The following PAN3 variants were observed in gnomAD, a reference collection of about 807,000 sequenced individuals.
PAN3 encodes the protein poly(A) specific ribonuclease subunit PAN3.
Under a neutral mutation model 96.2 loss-of-function variants are expected in PAN3, and 19 were observed. That is an observed-to-expected ratio of 0.20 (90% CI 0.14 to 0.29). PAN3 has a LOEUF of 0.29. Ranked by LOEUF, PAN3 falls within the 10% of genes least tolerant of loss-of-function variation. The probability of loss-of-function intolerance (pLI) is 1.00; values close to 1 mark genes in which losing one functional copy is unlikely to be tolerated. For synonymous variants in PAN3, 433 were observed against 406.6 expected (o/e 1.06, Z -0.78); for missense variants, 882 against 1,108.1 (o/e 0.80, Z 2.90).
intron 17 of PAN3, among the ~76,000 whole-genome samples, chr13:28,281,607 T>A (rs2138722861): frequency 6.6e-6 from 1 of 152,212 alleles, no homozygotes; most frequent in South Asian, 2.1e-4. Flanking sequence ...GTGTTAGAAA[T>A]CTCTTGTGGT....
At chr13:28,152,655 G>T (rs1871520266) in intron 1 of PAN3, among the ~76,000 whole-genome samples, 1 of 152,074 alleles carries the variant, frequency 6.6e-6, no homozygotes, top group South Asian at 2.1e-4. Flanking sequence ...CGAACATTCA[G>T]TGTTTGCTAG....
intron 5 of PAN3, among the ~76,000 whole-genome samples, chr13:28,206,673 G>C (rs189552024): frequency 6.6e-6 from 1 of 151,560 alleles, no homozygotes; most frequent in East Asian, 1.9e-4. Context: ...TGCTACAATT[G>C]ACAGTTGACC....
chr13:28,138,793 C>G lies in PAN3; in HGVS notation c.136C>G (p.Leu46Val), dbSNP rs1869154551. 7.1e-7 allele frequency: 1 copy of G among 1,400,076 alleles called. No individual in the cohort carries two copies. The highest frequency in any genetic ancestry group is 9.3e-7 in the Non-Finnish European group (1 of 1,080,436). 86.7% of individuals were successfully genotyped at this position (1,400,076 alleles called of 1,614,324 possible). ...VPGGAAVGVKLKYCRYYAKDK... is the reference protein window; with the variant it reads ...VPGGAAVGVKVKYCRYYAKDK... ...CGGCGGGGCGGCGGTAGGAGTGAAG[C>G]TGAAGTACTGCCGCTACTACGCTAA... Residue 46 changes from leucine (L) to valine (V), a missense_variant, in exon 1 of 19, where the codon CTG (leucine) becomes GTG (valine). Transcript: ENST00000380958.
intron 6 of PAN3, among the ~76,000 whole-genome samples, chr13:28,222,157 A>T (rs1230359863): frequency 6.6e-6 from 1 of 152,196 alleles, no homozygotes; most frequent in East Asian, 1.9e-4. Flanking sequence ...TGGAGGAGTT[A>T]AAAATATTAA....
chr13:28,224,961 G>A (rs539584101), intron 6 of PAN3, among the ~76,000 whole-genome samples: 84 of 152,142 alleles, frequency 5.5e-4, no homozygotes, highest in Non-Finnish European at 5.9e-5. Flanking sequence ...TGATTGATAT[G>A]GGGAGAATCA....
At chr13:28,243,150 CAAT>C (rs958555143) in intron 6 of PAN3, among the ~76,000 whole-genome samples, 3 of 151,996 alleles carry the variant, frequency 2.0e-5, no homozygotes, top group African/African-American at 7.3e-5. Flanking sequence ...GCCTTTAGTA[CAAT>C]GTTATAGAGA....
intron 2 of PAN3, among the ~76,000 whole-genome samples, chr13:28,174,993 T>TC (rs1874776508): frequency 6.6e-6 from 1 of 152,214 alleles, no homozygotes; most frequent in South Asian, 2.1e-4. Flanking sequence ...GCTCTTTTTT[T>TC]CCCCTTTATC....
intron 1 of PAN3, among the ~76,000 whole-genome samples, chr13:28,151,343 A>G (rs896336298): frequency 1.2e-4 from 19 of 152,092 alleles, no homozygotes; most frequent in Admixed American, 1.2e-3. Context: ...GTGAAACCCC[A>G]TCTCTACTAA....
chr13:28,196,525 A>G (rs1489108969), intron 4 of PAN3, among the ~76,000 whole-genome samples: 2 of 151,910 alleles, frequency 1.3e-5, no homozygotes. Flanking sequence ...TTGAGATTTA[A>G]AAGACCAATT....
intron 1 of PAN3, among the ~76,000 whole-genome samples, chr13:28,144,954 G>A (rs910214981): frequency 2.7e-5 from 4 of 150,492 alleles, no homozygotes; most frequent in East Asian, 2.0e-4. Flanking sequence ...TCCTGACCTC[G>A]TGATCCACCT....
In PAN3 at chr13:28,174,663, G is replaced by A. The variant is rs115407740; in HGVS notation, c.552+270G>A. ...TTTCACTTGTGTATTTTGTATGTAT[G>A]TTAGTTAAACTTGGTAGTGATTGCA... On this transcript the variant is annotated intron_variant, in intron 2 of 18. Transcript: ENST00000380958. Among the ~76,000 whole-genome samples the A allele has an allele frequency of 4.0e-3, 609 of 152,244 alleles. 7 individuals are homozygous for A. Among genetic ancestry groups the A allele is most frequent in the African/African-American group, 0.014 (581 of 41,558 alleles).
At chr13:28,287,954 T>A (rs1869197580) in intron 17 of PAN3, 30 bp from the exon 18 acceptor site, 1 of 1,593,044 alleles carries the variant, frequency 6.3e-7, no homozygotes, top group Non-Finnish European at 8.5e-7. Flanking sequence ...ACAGCATGAG[T>A]TACTGAGGTA....
At chr13:28,208,180 A>G (rs1188906317) in intron 5 of PAN3, among the ~76,000 whole-genome samples, 1 of 152,214 alleles carries the variant, frequency 6.6e-6, no homozygotes, top group Non-Finnish European at 1.5e-5. Flanking sequence ...GTTAGAAAGA[A>G]TACATCTAAG....
At position 28,233,412 on chromosome 13, in the gene PAN3, G is replaced by A. The variant is rs982221505; in HGVS notation, c.1000+13034G>A. Among the ~76,000 whole-genome samples, 3 of 151,754 alleles carry A rather than the reference G, an allele frequency of 2.0e-5. No homozygotes were observed. The East Asian group carries it at 5.8e-4, about 29-fold the overall frequency. On this transcript the variant is annotated intron_variant, in intron 6 of 18. Coordinates refer to ENST00000380958, the MANE Select transcript of PAN3 (RefSeq NM_175854.8). ...CTCCTGAGTAGCCGGGATTACAGGC[G>A]TGTACCACCACACCCGGCTAACTTT...
chr13:28,231,159 T>C (rs1364998291), intron 6 of PAN3, among the ~76,000 whole-genome samples: 1 of 152,230 alleles, frequency 6.6e-6, no homozygotes, highest in East Asian at 1.9e-4. Context: ...GATGCTGGTT[T>C]TTTAAAATAT....
At chr13:28,178,667 A>G (rs1875369687) in intron 4 of PAN3, among the ~76,000 whole-genome samples, 1 of 152,164 alleles carries the variant, frequency 6.6e-6, no homozygotes, top group Non-Finnish European at 1.5e-5. Flanking sequence ...AATGGAAGAA[A>G]GACCCAAAAT....
intron 5 of PAN3, among the ~76,000 whole-genome samples, chr13:28,213,799 CAAAA>C (rs1022141646): frequency 1.1e-4 from 16 of 149,956 alleles, no homozygotes; most frequent in Middle Eastern, 3.5e-3. Flanking sequence ...TAAAAGTAGT[CAAAA>C]AATGTGGACA....
Position 28,287,975 on chromosome 13 carries a change from T to A in PAN3, c.2385-9T>A, listed in dbSNP as rs904991417. Reference sequence around the variant, plus strand: ...TGAGTTACTGAGGTAAAATGTTCATTTCCCCCAGGTTTCAGAAGGATCCCA... The same window carrying A: ...TGAGTTACTGAGGTAAAATGTTCATATCCCCCAGGTTTCAGAAGGATCCCA... On this transcript the variant is annotated splice_polypyrimidine_tract_variant and intron_variant, in intron 17 of 18. Transcript: ENST00000380958. 6.9e-6 allele frequency: 11 copies of A among 1,603,506 alleles called. No individual in the cohort carries two copies. Among genetic ancestry groups the A allele is most frequent in the Non-Finnish European group, 9.3e-6 (11 of 1,176,590 alleles).
chr13:28,241,771 T>C (rs932411907), intron 6 of PAN3, among the ~76,000 whole-genome samples: 7 of 152,194 alleles, frequency 4.6e-5, no homozygotes, highest in African/African-American at 1.7e-4. Flanking sequence ...GTATTTGTAG[T>C]AGTAGCGCAT....
Sources: gnomAD v4.1 joint callset for allele counts (sites outside exome capture counted in the v4.1 genomes callset) on GRCh38, gnomAD v4.1.1 for gene constraint, MANE v1.5 for transcripts, NCBI Gene and HGNC (gene_info 2026-07-23, HGNC 2026-07-21) for gene names.